The following GRIP1 variants were observed in gnomAD, a reference collection of about 807,000 sequenced individuals.
The protein encoded by GRIP1 is glutamate receptor-interacting protein 1.
In GRIP1, 45 loss-of-function variants were observed where a neutral mutation model predicts 129.9. The ratio of observed to expected loss-of-function variants is 0.35; its 90% CI spans 0.27 to 0.44. The LOEUF is 0.44. Ranked by LOEUF, GRIP1 falls within the 20% of genes least tolerant of loss-of-function variation. The pLI, the probability that GRIP1 is intolerant of heterozygous loss-of-function variation, is 1.00. For synonymous variants in GRIP1, 530 were observed against 520.8 expected (o/e 1.02, Z -0.24); for missense variants, 1,196 against 1,396.8 (o/e 0.86, Z 2.29).
chr12:66,702,999 C>T (rs780486309), intron 1 of GRIP1, among the ~76,000 whole-genome samples: 3 of 152,192 alleles, frequency 2.0e-5, no homozygotes, highest in Non-Finnish European at 4.4e-5. Flanking sequence ...CCTACCTTCA[C>T]GGGACCTTTG....
At chr12:66,688,632 T>C (rs2136305582) in intron 1 of GRIP1, among the ~76,000 whole-genome samples, 1 of 152,258 alleles carries the variant, frequency 6.6e-6, no homozygotes, top group East Asian at 1.9e-4. Flanking sequence ...CTAAGTTCAT[T>C]ACCAAAACCC....
chr12:67,026,868 G>A (rs557507499), intron 1 of GRIP1, among the ~76,000 whole-genome samples: 52 of 152,248 alleles, frequency 3.4e-4, no homozygotes, highest in African/African-American at 1.2e-3. Context: ...ATAGAGTTGT[G>A]CAGAATTTGT....
intron 2 of GRIP1, chr12:66,568,967 C>T (rs1432962889): frequency 3.9e-6 from 2 of 514,586 alleles, no homozygotes; most frequent in Non-Finnish European, 7.8e-6. Context: ...GGTTGATACA[C>T]TGCATCTACA....
intron 1 of GRIP1, among the ~76,000 whole-genome samples, chr12:66,892,858 T>C (rs1429806414): frequency 6.6e-6 from 1 of 152,162 alleles, no homozygotes; most frequent in Admixed American, 6.5e-5. Context: ...TCTGAGCTAC[T>C]TGGGAGGCTG....
chr12:66,577,250 A>G (rs1261539560), intron 2 of GRIP1, among the ~76,000 whole-genome samples: 1 of 152,222 alleles, frequency 6.6e-6, no homozygotes, highest in East Asian at 1.9e-4. Flanking sequence ...GCCAGTGGGT[A>G]GCGGTTCAAG....
At chr12:66,485,806 GCTA>G (rs1293997521) in intron 7 of GRIP1, among the ~76,000 whole-genome samples, 6 of 149,980 alleles carry the variant, frequency 4.0e-5, no homozygotes, top group Admixed American at 6.6e-5. Context: ...TTTTGAAAGG[GCTA>G]CTTTTTTTCT....
chr12:66,518,048 A>T (rs914337340), intron 5 of GRIP1, 72 bp from the exon 6 acceptor site: 9 of 866,324 alleles, frequency 1.0e-5, no homozygotes, highest in Middle Eastern at 2.1e-4. Context: ...CCTACAAGAT[A>T]TCAGCTGAGA....
At chr12:66,876,924 C>G (rs2040393303) in intron 1 of GRIP1, among the ~76,000 whole-genome samples, 1 of 152,016 alleles carries the variant, frequency 6.6e-6, no homozygotes, top group Admixed American at 6.6e-5. Context: ...TTATCTGAGC[C>G]TACATATTAA....
chr12:66,541,864 C>T lies in GRIP1; in HGVS notation c.223G>A (p.Asp75Asn), dbSNP rs758058694. Residue 75 changes from aspartate to asparagine, a missense_variant, in exon 3 of 25, where the codon GAT becomes AAT. Asp to Asn is a conservative substitution (Grantham distance 23). This residue lies in a region of GRIP1 where 217 missense variants were observed against 224.8 expected (regional missense o/e 0.97). Transcript: ENST00000359742. ...AGATTAGATACTCTTGGCTTGCCAT[C>T]CTTATCAATTCCTCCCGATACCGTC... ...GLTVSGGIDK[D>N]GKPRVSNLRQ... The T allele has an allele frequency of 1.2e-6, 2 of 1,614,096 alleles. No individual in the cohort carries two copies. The highest frequency in any genetic ancestry group is 1.7e-6 in the Non-Finnish European group (2 of 1,179,916).
chr12:66,815,149 C>T (rs1393178365), intron 1 of GRIP1, among the ~76,000 whole-genome samples: 2 of 152,132 alleles, frequency 1.3e-5, no homozygotes, highest in African/African-American at 4.8e-5. Context: ...AGGAATAAAG[C>T]AATTACTATG....
chr12:66,487,952 A>C (rs1376926007), intron 7 of GRIP1, among the ~76,000 whole-genome samples: 1 of 152,200 alleles, frequency 6.6e-6, no homozygotes, highest in Non-Finnish European at 1.5e-5. Flanking sequence ...ATACGCACCT[A>C]ATACAAGAGC....
At chr12:66,865,749 C>T (rs182268571) in intron 1 of GRIP1, among the ~76,000 whole-genome samples, 4 of 152,130 alleles carry the variant, frequency 2.6e-5, no homozygotes, top group Admixed American at 6.6e-5. Flanking sequence ...TTTCCCCTCA[C>T]GATTTAATGT....
chr12:66,830,100 G>A (rs905670013), intron 1 of GRIP1, among the ~76,000 whole-genome samples: 33 of 152,262 alleles, frequency 2.2e-4, no homozygotes, highest in East Asian at 3.9e-4. Context: ...TATGTGCTTG[G>A]CCCTTATAAC....
chr12:66,972,022 T>C (rs2042083125), intron 1 of GRIP1, among the ~76,000 whole-genome samples: 1 of 151,596 alleles, frequency 6.6e-6, no homozygotes, highest in Non-Finnish European at 1.5e-5. Context: ...GAGGACCTTG[T>C]TGTTAAAACA....
rs1481785873 is a variant in GRIP1 at position 66,517,930 on chromosome 12, T to A, written c.549A>T (p.Thr183=). ...CAGCAGGCCCTCCAGGACGAACACA[T>A]GTTATCACAACTGGACGAGATTTAT... ...DRNKSRPVVI[T]CVRPGGPADR... Residue 183 remains threonine (T), a synonymous_variant, in exon 6 of 25, where the codon ACA becomes ACT. Coordinates refer to ENST00000359742, the MANE Select transcript of GRIP1 (RefSeq NM_001366722.1). The A allele has an allele frequency of 5.6e-6, 9 of 1,594,582 alleles. No homozygotes were observed. In the Admixed American group the frequency reaches 1.5e-4, roughly 27 times the overall value.
intron 1 of GRIP1, among the ~76,000 whole-genome samples, chr12:66,962,876 C>A (rs2041942704): frequency 6.6e-6 from 1 of 152,090 alleles, no homozygotes; most frequent in African/African-American, 2.4e-5. Context: ...TAATTATACA[C>A]ATACATATTC....
intron 13 of GRIP1, among the ~76,000 whole-genome samples, chr12:66,438,424 A>T (rs2058374038): frequency 6.6e-6 from 1 of 152,256 alleles, no homozygotes; most frequent in South Asian, 2.1e-4. Flanking sequence ...CTCCTGATGC[A>T]GTCTGAAGTT....
intron 2 of GRIP1, among the ~76,000 whole-genome samples, chr12:66,578,308 T>C (rs994577680): frequency 7.1e-6 from 1 of 140,860 alleles, no homozygotes; most frequent in African/African-American, 2.6e-5. Context: ...AGCTCTGGTC[T>C]ACAGCTCCCA....
At chr12:66,802,584 T>C (rs2038889060) in intron 1 of GRIP1, among the ~76,000 whole-genome samples, 1 of 152,162 alleles carries the variant, frequency 6.6e-6, no homozygotes, top group Non-Finnish European at 1.5e-5. Flanking sequence ...GCTAGTAGTA[T>C]GCAGGCATTT....
Sources: allele counts gnomAD v4.1 joint callset (sites outside exome capture counted in the v4.1 genomes callset), GRCh38; gene constraint gnomAD v4.1.1; regional missense constraint gnomAD v4.1.1; transcripts MANE v1.5; gene names NCBI Gene and HGNC (gene_info 2026-07-23, HGNC 2026-07-21).